Variants in RPS6KA2 observed in about 807,000 individuals in gnomAD.
RPS6KA2 encodes ribosomal protein S6 kinase A2, also known as ribosomal protein S6 kinase alpha-2.
Under a neutral mutation model 91.8 loss-of-function variants are expected in RPS6KA2, and 42 were observed. That is an observed-to-expected ratio of 0.46 (90% CI 0.36 to 0.59). RPS6KA2 has a LOEUF of 0.59. RPS6KA2 is among the 20% of genes least tolerant of loss of function. The pLI, the probability that RPS6KA2 is intolerant of heterozygous loss-of-function variation, is 0.00. For synonymous variants in RPS6KA2, 414 were observed against 393.6 expected (o/e 1.05, Z -0.61); for missense variants, 798 against 978.5 (o/e 0.82, Z 2.46).
intron 17 of RPS6KA2, 97 bp from the exon 18 acceptor site, chr6:166,420,055 G>T: frequency 8.6e-7 from 1 of 1,163,990 alleles, no homozygotes; most frequent in Non-Finnish European, 1.3e-6. Flanking sequence ...GCAAGCTGGG[G>T]ACCAGGAGGA....
chr6:166,663,789 G>A (rs1788234133), intron 2 of RPS6KA2, among the ~76,000 whole-genome samples: 1 of 152,192 alleles, frequency 6.6e-6, no homozygotes, highest in African/African-American at 2.4e-5. Context: ...TGGGACACAG[G>A]CTTCGGCGCT....
At chr6:166,834,159 G>A (rs1276364447) in intron 2 of RPS6KA2, among the ~76,000 whole-genome samples, 1 of 152,134 alleles carries the variant, frequency 6.6e-6, no homozygotes, top group East Asian at 1.9e-4. Context: ...ACCAACAACG[G>A]AAGAGAGTTC....
At chr6:166,748,247 C>A (rs1045097302) in intron 2 of RPS6KA2, among the ~76,000 whole-genome samples, 2 of 152,124 alleles carry the variant, frequency 1.3e-5, no homozygotes, top group African/African-American at 4.8e-5. Context: ...ATGAGGGCAG[C>A]CCGGGAGGGA....
intron 2 of RPS6KA2, among the ~76,000 whole-genome samples, chr6:166,671,780 A>G (rs1788478807): frequency 6.6e-6 from 1 of 152,118 alleles, no homozygotes; most frequent in South Asian, 2.1e-4. Flanking sequence ...AGCACATGGG[A>G]GGGAAGGGTG....
chr6:166,480,126 G>A (rs1236944206), intron 10 of RPS6KA2, among the ~76,000 whole-genome samples: 3 of 152,040 alleles, frequency 2.0e-5, no homozygotes, highest in Non-Finnish European at 4.4e-5. Context: ...CTTTTGCAGA[G>A]ATTTTTCAGG....
chr6:166,429,831 C>T (rs1038712904), intron 16 of RPS6KA2, among the ~76,000 whole-genome samples: 6 of 152,104 alleles, frequency 3.9e-5, no homozygotes, highest in Non-Finnish European at 5.9e-5. Context: ...TGGGTGCTCC[C>T]GTGTGTATGT....
chr6:166,413,995 TC>T, intron 19 of RPS6KA2, 64 bp from the exon 20 acceptor site: 1 of 1,505,888 alleles, frequency 6.6e-7, no homozygotes. Flanking sequence ...TCAGAGAGCC[TC>T]CCCAGCAGAA....
intron 2 of RPS6KA2, among the ~76,000 whole-genome samples, chr6:166,718,617 T>C (rs1448024839): frequency 6.6e-6 from 1 of 152,218 alleles, no homozygotes; most frequent in Admixed American, 6.5e-5. Context: ...TTAAAATAAC[T>C]TGGCCCCCAA....
intron 10 of RPS6KA2, among the ~76,000 whole-genome samples, chr6:166,484,006 G>A (rs1023336196): frequency 3.3e-4 from 50 of 152,360 alleles, no homozygotes; most frequent in African/African-American, 1.2e-3. Context: ...ACAGCATGAC[G>A]TCCATGTCCA....
intron 10 of RPS6KA2, among the ~76,000 whole-genome samples, chr6:166,474,665 C>T (rs1780897007): frequency 6.6e-6 from 1 of 152,178 alleles, no homozygotes; most frequent in Non-Finnish European, 1.5e-5. Flanking sequence ...CTGAAAACCC[C>T]AGCAGTTCCT....
intron 2 of RPS6KA2, among the ~76,000 whole-genome samples, chr6:166,684,534 C>T (rs938754644): frequency 3.3e-5 from 5 of 152,082 alleles, no homozygotes; most frequent in Non-Finnish European, 1.5e-5. Flanking sequence ...AAGCCAAGAC[C>T]CTTTGAAGGC....
At chr6:166,757,626 A>T (rs1322275866) in intron 2 of RPS6KA2, 1 of 455,802 alleles carries the variant, frequency 2.2e-6, no homozygotes, top group East Asian at 6.9e-5. Flanking sequence ...CCGTCCAGCC[A>T]TTCTGCCAGG....
At chr6:166,827,627 TGTTGCGTACTGAAAA>T (rs1162901720) in intron 2 of RPS6KA2, among the ~76,000 whole-genome samples, 2 of 152,218 alleles carry the variant, frequency 1.3e-5, no homozygotes, top group Admixed American at 6.5e-5. Context: ...ATTAACATTC[TGTTGCGTACTGAAAA>T]TTTGCTGAGA....
chr6:166,517,300 G>A (rs139352587), intron 3 of RPS6KA2, among the ~76,000 whole-genome samples: 16 of 152,224 alleles, frequency 1.1e-4, no homozygotes, highest in Non-Finnish European at 1.5e-4. Flanking sequence ...TTGGAGACAA[G>A]CCTAAGTGTT....
intron 10 of RPS6KA2, among the ~76,000 whole-genome samples, chr6:166,486,950 G>A (rs999892987): frequency 6.6e-6 from 1 of 152,256 alleles, no homozygotes; most frequent in Admixed American, 6.5e-5. Flanking sequence ...AGACGGTGCA[G>A]AGCCGTGGCC....
chr6:166,749,965 G>A (rs993534503), intron 2 of RPS6KA2, among the ~76,000 whole-genome samples: 13 of 151,890 alleles, frequency 8.6e-5, no homozygotes, highest in Non-Finnish European at 1.0e-4. Context: ...GGGCGGTGGA[G>A]GTGGCCACAC....
intron 2 of RPS6KA2, chr6:166,858,039 T>C (rs1315647227): frequency 3.1e-6 from 2 of 639,476 alleles, no homozygotes; most frequent in East Asian, 2.8e-5. Flanking sequence ...TATGTACATA[T>C]GCATATATAC....
intron 2 of RPS6KA2, among the ~76,000 whole-genome samples, chr6:166,723,374 G>C (rs2128585607): frequency 6.6e-6 from 1 of 152,242 alleles, no homozygotes; most frequent in African/African-American, 2.4e-5. Flanking sequence ...ACCCCAGGGG[G>C]GTCCCACACG....
chr6:166,808,660 T>G (rs947148813), intron 2 of RPS6KA2, among the ~76,000 whole-genome samples: 8 of 152,282 alleles, frequency 5.3e-5, no homozygotes, highest in African/African-American at 1.9e-4. Flanking sequence ...TGACCATATT[T>G]ACACTAAAAA....
Sources: gnomAD v4.1 joint callset for allele counts (sites outside exome capture counted in the v4.1 genomes callset) on GRCh38, gnomAD v4.1.1 for gene constraint, MANE v1.5 for transcripts, NCBI Gene and HGNC (gene_info 2026-07-23, HGNC 2026-07-21) for gene names.